Variants in DCC observed in about 807,000 individuals in gnomAD.
DCC encodes the protein netrin receptor DCC.
Under a neutral mutation model 172.5 loss-of-function variants are expected in DCC, and 58 were observed. The ratio of observed to expected loss-of-function variants is 0.34; its 90% CI spans 0.27 to 0.42. The LOEUF (loss-of-function observed/expected upper bound fraction) is 0.42. Among genes scored for constraint, DCC ranks in the 10% least tolerant of loss-of-function variants. The probability of loss-of-function intolerance (pLI) is 1.00; values close to 1 mark genes in which losing one functional copy is unlikely to be tolerated. For synonymous variants in DCC, 709 were observed against 644.5 expected, an observed-to-expected ratio of 1.10 and a Z score of -1.52; for missense variants, 1,740 against 1,791.0, an observed-to-expected ratio of 0.97 and a Z score of 0.51.
At chr18:52,589,686 A>G (rs1442462096) in intron 1 of DCC, among the ~76,000 whole-genome samples, 1 of 152,216 alleles carries the variant, frequency 6.6e-6, no homozygotes, top group Non-Finnish European at 1.5e-5. Flanking sequence ...AAAGAACCAT[A>G]TAAGCCTTTT....
At chr18:53,065,049 G>A (rs537047166) in intron 6 of DCC, among the ~76,000 whole-genome samples, 3 of 152,114 alleles carry the variant, frequency 2.0e-5, no homozygotes, top group Admixed American at 2.0e-4. Flanking sequence ...ATTAAATTGT[G>A]CTTAAAAATA....
At chr18:53,163,262 A>G (rs952799743) in intron 8 of DCC, among the ~76,000 whole-genome samples, 5 of 152,036 alleles carry the variant, frequency 3.3e-5, no homozygotes, top group African/African-American at 1.2e-4. Flanking sequence ...TTCTCGATAG[A>G]TTTTTTTCTT....
At chr18:53,270,354 G>C (rs2056734802) in intron 12 of DCC, among the ~76,000 whole-genome samples, 1 of 151,916 alleles carries the variant, frequency 6.6e-6, no homozygotes, top group South Asian at 2.1e-4. Flanking sequence ...GTCAATTTTT[G>C]TTATTCTTTG....
At chr18:53,334,018 T>C (rs961776486) in intron 14 of DCC, among the ~76,000 whole-genome samples, 10 of 152,196 alleles carry the variant, frequency 6.6e-5, no homozygotes, top group African/African-American at 2.2e-4. Flanking sequence ...CAAAGACCTA[T>C]GGGTTATGAT....
intron 12 of DCC, among the ~76,000 whole-genome samples, chr18:53,232,573 A>G (rs1012816569): frequency 2.0e-5 from 3 of 152,102 alleles, no homozygotes; most frequent in Non-Finnish European, 4.4e-5. Flanking sequence ...TTTATCTTAC[A>G]TTAACCCCAC....
chr18:53,102,881 C>T (rs991120645), intron 7 of DCC, among the ~76,000 whole-genome samples: 1 of 152,048 alleles, frequency 6.6e-6, no homozygotes, highest in African/African-American at 2.4e-5. Flanking sequence ...AGCCTTTCTG[C>T]AATACACCCC....
intron 7 of DCC, among the ~76,000 whole-genome samples, chr18:53,099,007 T>C (rs1421904385): frequency 6.6e-6 from 1 of 151,942 alleles, no homozygotes; most frequent in African/African-American, 2.4e-5. Flanking sequence ...AGACCTCTTC[T>C]CAATAATAAT....
intron 1 of DCC, among the ~76,000 whole-genome samples, chr18:52,342,282 T>A (rs1312479007): frequency 1.4e-5 from 1 of 69,368 alleles, no homozygotes; most frequent in Non-Finnish European, 3.0e-5. Context: ...TGTGTGTGCG[T>A]GTGTGTGTGT....
At chr18:53,384,512 C>T (rs1434968709) in intron 15 of DCC, among the ~76,000 whole-genome samples, 1 of 151,852 alleles carries the variant, frequency 6.6e-6, no homozygotes, top group East Asian at 1.9e-4. Context: ...CTCCTGAATC[C>T]TTTTTCAGTC....
chr18:53,148,209 A>C (rs951789759), intron 7 of DCC, among the ~76,000 whole-genome samples: 1 of 152,232 alleles, frequency 6.6e-6, no homozygotes, highest in Non-Finnish European at 1.5e-5. Context: ...CTATATCAGC[A>C]ACGCATGTGT....
At chr18:52,998,927 A>G (rs2041523640) in intron 5 of DCC, among the ~76,000 whole-genome samples, 1 of 152,084 alleles carries the variant, frequency 6.6e-6, no homozygotes, top group Admixed American at 6.6e-5. Flanking sequence ...AACAAAGTAT[A>G]ATTGAGAAAA....
rs779492300 is a variant in DCC, at chr18:52,340,791, G to A, written c.4G>A (p.Glu2Lys). 12 of 1,613,780 alleles carry A rather than the reference G, an allele frequency of 7.4e-6. No homozygotes were observed. In the Admixed American group the frequency reaches 8.3e-5, roughly 11 times the overall value. The stretch of plus-strand genomic sequence containing the variant: ...CCCCGAAGGTGTTGGCTGAAATATG[G>A]AGAATAGTCTTAGATGTGTTTGGGT... M[E>K]NSLRCVWVPK... Residue 2 changes from glutamate (E) to lysine (K), a missense_variant, in exon 1 of 29, where the codon GAG becomes AAG. Glu to Lys is a moderately conservative substitution (Grantham distance 56). Transcript: ENST00000442544.
intron 1 of DCC, among the ~76,000 whole-genome samples, chr18:52,442,663 C>T (rs1209566457): frequency 6.6e-6 from 1 of 152,176 alleles, no homozygotes; most frequent in East Asian, 1.9e-4. Context: ...ATTGATGTAA[C>T]TCATTTTTCT....
chr18:53,246,273 G>A (rs1447707987), intron 12 of DCC, among the ~76,000 whole-genome samples: 2 of 151,954 alleles, frequency 1.3e-5, no homozygotes, highest in Non-Finnish European at 2.9e-5. Context: ...TTATTCTCAA[G>A]CAGGGGTTTC....
rs115072017 is a variant in DCC, at chr18:52,800,826, C to T, written c.412+48452C>T. Among the ~76,000 whole-genome samples, 1,095 of 152,286 alleles carry T rather than the reference C, an allele frequency of 7.2e-3. 7 individuals are homozygous for T. The highest frequency in any genetic ancestry group is 0.024 in the African/African-American group (990 of 41,556). On this transcript the variant is annotated intron_variant, in intron 2 of 28. Coordinates refer to ENST00000442544, the MANE Select transcript of DCC (RefSeq NM_005215.4). Reference sequence around the variant, plus strand: ...TTGTTGCACAGCAAACTACCTTAGACGCTGTGGCTTAAAACATCTATTTAT... The same window carrying T: ...TTGTTGCACAGCAAACTACCTTAGATGCTGTGGCTTAAAACATCTATTTAT...
intron 9 of DCC, among the ~76,000 whole-genome samples, chr18:53,183,255 G>A (rs529558163): frequency 5.3e-5 from 8 of 152,034 alleles, no homozygotes; most frequent in Non-Finnish European, 1.0e-4. Context: ...TAAAGAGATC[G>A]ACAGCCCAAG....
At chr18:52,942,091 G>GACCC (rs2040473110) in intron 5 of DCC, among the ~76,000 whole-genome samples, 1 of 152,080 alleles carries the variant, frequency 6.6e-6, no homozygotes, top group Non-Finnish European at 1.5e-5. Context: ...CCCATTTTCT[G>GACCC]ATTTTTAAAA....
intron 22 of DCC, among the ~76,000 whole-genome samples, chr18:53,440,994 T>G (rs1407035709): frequency 6.6e-6 from 1 of 152,244 alleles, no homozygotes; most frequent in Non-Finnish European, 1.5e-5. Context: ...GCACATGTCC[T>G]GTTCAGGATG....
At chr18:53,203,234 T>TGTGTGTGC (rs1476564603) in intron 9 of DCC, among the ~76,000 whole-genome samples, 1 of 145,864 alleles carries the variant, frequency 6.9e-6, no homozygotes, top group African/African-American at 2.5e-5. Context: ...TGTGTGTGTG[T>TGTGTGTGC]GCGTGTGTGT....
Sources: allele counts gnomAD v4.1 joint callset (sites outside exome capture counted in the v4.1 genomes callset), GRCh38; gene constraint gnomAD v4.1.1; transcripts MANE v1.5; gene names NCBI Gene and HGNC (gene_info 2026-07-23, HGNC 2026-07-21).